Variants in CIAO2A observed in about 807,000 individuals in gnomAD.
The protein encoded by CIAO2A is cytosolic iron-sulfur assembly component 2A, also known as MIP18 family protein FAM96A.
In CIAO2A, 17 loss-of-function variants were observed where a neutral mutation model predicts 22.4. That is an observed-to-expected ratio of 0.76 (90% CI 0.52 to 1.14). The LOEUF is 1.14. Ranked by LOEUF, CIAO2A falls within the 50% of genes most tolerant of loss-of-function variation. The pLI is 0.00. For synonymous variants in CIAO2A, 74 were observed against 72.3 expected, an observed-to-expected ratio of 1.02 and a Z score of -0.12; for missense variants, 192 against 191.4, an observed-to-expected ratio of 1.00 and a Z score of -0.02.
chr15:64,088,681 A>G lies in CIAO2A; in HGVS notation c.289+6T>C. 1 of 1,602,512 alleles carries G rather than the reference A, an allele frequency of 6.2e-7. No individual in the cohort carries two copies. The highest frequency in any genetic ancestry group is 8.5e-7 in the Non-Finnish European group (1 of 1,176,102). ...TAAATATACATGTATGTACAGAAAAACTTACCAATAAGAGTCGCCAAAGAG... is the reference window on the plus strand; with the variant it reads ...TAAATATACATGTATGTACAGAAAAGCTTACCAATAAGAGTCGCCAAAGAG... On this transcript the variant is annotated splice_donor_region_variant and intron_variant, in intron 2 of 4. Transcript: ENST00000300030.
intron 3 of CIAO2A, among the ~76,000 whole-genome samples, chr15:64,079,941 T>C (rs1420666005): frequency 2.0e-5 from 3 of 152,228 alleles, no homozygotes; most frequent in African/African-American, 4.8e-5. Flanking sequence ...TTAGACTATA[T>C]AAAGAACTCT....
At chr15:64,087,576 C>G (rs2080807683) in intron 2 of CIAO2A, among the ~76,000 whole-genome samples, 1 of 152,188 alleles carries the variant, frequency 6.6e-6, no homozygotes, top group Admixed American at 6.5e-5. Flanking sequence ...ATTCACAGAC[C>G]TCCAGTCCCT....
intron 2 of CIAO2A, among the ~76,000 whole-genome samples, chr15:64,082,287 G>A (rs1311463063): frequency 2.6e-5 from 4 of 152,108 alleles, no homozygotes; most frequent in African/African-American, 7.2e-5. Context: ...GGAGTACAGT[G>A]GCGAGATCTC....
intron 2 of CIAO2A, among the ~76,000 whole-genome samples, chr15:64,086,965 G>C (rs1349136695): frequency 6.7e-6 from 1 of 149,398 alleles, no homozygotes; most frequent in African/African-American, 2.5e-5. Context: ...AGGTTGGTGT[G>C]CAATGGCATG....
At position 64,072,966 on chromosome 15, in the gene CIAO2A, C is replaced by T. The variant is rs2080684374; in HGVS notation, c.448G>A (p.Glu150Lys). Reference protein sequence around the residue: ...AAAMENPNLREIVEQCVLEPD With the variant: ...AAAMENPNLRKIVEQCVLEPD The stretch of plus-strand genomic sequence containing the variant: ...TCAAGGACACACTGTTCCACAATTT[C>T]CCGTAAGTTGGGGTTTTCCATTGCA... Residue 150 changes from glutamate to lysine, a missense_variant, in exon 5 of 5, where the codon GAA becomes AAA. Transcript: ENST00000300030. The T allele has an allele frequency of 6.2e-7, 1 of 1,613,900 alleles. No individual in the cohort carries two copies. Among genetic ancestry groups the T allele is most frequent in the Non-Finnish European group, 8.5e-7 (1 of 1,179,864 alleles).
At chr15:64,081,338 T>C (rs1385414875) in intron 2 of CIAO2A, among the ~76,000 whole-genome samples, 187 bp from the exon 3 acceptor site, 1 of 152,132 alleles carries the variant, frequency 6.6e-6, no homozygotes, top group Non-Finnish European at 1.5e-5. Flanking sequence ...ATCTTACATA[T>C]TCCTTAGGAT....
At chr15:64,073,278 C>T (rs1210295621) in intron 4 of CIAO2A, among the ~76,000 whole-genome samples, 1 of 152,112 alleles carries the variant, frequency 6.6e-6, no homozygotes, top group Non-Finnish European at 1.5e-5. Context: ...TATTTTTATA[C>T]AGTTACATTC....
chr15:64,081,082 C>T lies in CIAO2A; in HGVS notation c.339+20G>A, dbSNP rs756121607. ...AGCTGTTTTACAACAACAACAACAA[C>T]AAAAATACATCTTTCTTACCTTATG... is the stretch of plus-strand genomic sequence containing the variant. On this transcript the variant is annotated intron_variant, in intron 3 of 4. Transcript: ENST00000300030. 1.2e-5 allele frequency: 19 copies of T among 1,609,318 alleles called. No homozygotes were observed. The highest frequency in any genetic ancestry group is 2.7e-5 in the African/African-American group (2 of 74,740).
chr15:64,078,207 G>C lies in CIAO2A; in HGVS notation c.340-2670C>G, dbSNP rs192788260. ...TTAAAAATGAAAAATAAAATTTACAGGGCATCATAAACCACTAGTATAATA... is the reference window on the plus strand; with the variant it reads ...TTAAAAATGAAAAATAAAATTTACACGGCATCATAAACCACTAGTATAATA... On this transcript the variant is annotated intron_variant, in intron 3 of 4. Transcript: ENST00000300030. Among the ~76,000 whole-genome samples the C allele has an allele frequency of 3.5e-3, 535 of 152,186 alleles. 3 individuals carry two copies. The highest frequency in any genetic ancestry group is 5.6e-3 in the Non-Finnish European group (383 of 68,006).
At chr15:64,081,405 G>A (rs996401602) in intron 2 of CIAO2A, among the ~76,000 whole-genome samples, 16 of 152,014 alleles carry the variant, frequency 1.1e-4, no homozygotes, top group African/African-American at 3.6e-4. Context: ...AAGTCACAAC[G>A]TAACTTCCTC....
intron 2 of CIAO2A, among the ~76,000 whole-genome samples, chr15:64,082,647 T>C (rs1317191850): frequency 7.9e-5 from 12 of 152,044 alleles, no homozygotes; most frequent in Admixed American, 7.9e-4. Context: ...TCTGGGAGAG[T>C]TCCTCTTCCC....
intron 2 of CIAO2A, among the ~76,000 whole-genome samples, chr15:64,086,660 C>T (rs751172697): frequency 3.4e-5 from 5 of 149,244 alleles, no homozygotes; most frequent in Non-Finnish European, 3.0e-5. Flanking sequence ...GTTGCTTAGG[C>T]TGGAGTGCAG....
At position 64,088,667 on chromosome 15, in the gene CIAO2A, G is replaced by T. The variant is rs764870264; in HGVS notation, c.289+20C>A. The T allele has an allele frequency of 7.0e-6, 11 of 1,580,098 alleles. No individual in the cohort carries two copies. Among genetic ancestry groups the T allele is most frequent in the Middle Eastern group, 3.3e-4 (2 of 6,018 alleles). On this transcript the variant is annotated intron_variant, in intron 2 of 4. Coordinates refer to ENST00000300030, the MANE Select transcript of CIAO2A (RefSeq NM_032231.7). Reference sequence around the variant, plus strand: ...ACTTAGAATTTATATAAATATACATGTATGTACAGAAAAACTTACCAATAA... The same window carrying T: ...ACTTAGAATTTATATAAATATACATTTATGTACAGAAAAACTTACCAATAA...
intron 3 of CIAO2A, among the ~76,000 whole-genome samples, chr15:64,079,979 T>G (rs577052994): frequency 1.3e-5 from 2 of 152,202 alleles, no homozygotes; most frequent in Non-Finnish European, 2.9e-5. Context: ...AAGACATCCT[T>G]ATTTTAAAAT....
At position 64,072,914 on chromosome 15, in the gene CIAO2A, G is replaced by A; in HGVS notation, c.*17C>T. 2 of 1,534,420 alleles carry A rather than the reference G, an allele frequency of 1.3e-6. No individual in the cohort carries two copies. Among genetic ancestry groups the A allele is most frequent in the Non-Finnish European group, 9.0e-7 (1 of 1,109,840 alleles). On this transcript the variant is annotated 3_prime_UTR_variant, in exon 5 of 5. Transcript: ENST00000300030. ...ATATATCAAACAATTACAGGCCAGTGGCTCTTAAAACAGCTATCAGTCAGG... is the reference window on the plus strand; with the variant it reads ...ATATATCAAACAATTACAGGCCAGTAGCTCTTAAAACAGCTATCAGTCAGG...
In CIAO2A at chr15:64,072,636, T is replaced by C. The variant is rs1314964004; in HGVS notation, c.*295A>G. On this transcript the variant is annotated 3_prime_UTR_variant, in exon 5 of 5. Coordinates refer to ENST00000300030, the MANE Select transcript of CIAO2A (RefSeq NM_032231.7). ...AGTACATTTGGGCACAGTAGATATTTGACACGAAAAATAGTTGTATCAGAA... is the reference window on the plus strand; with the variant it reads ...AGTACATTTGGGCACAGTAGATATTCGACACGAAAAATAGTTGTATCAGAA... 4.2e-6 allele frequency: 1 copy of C among 237,254 alleles called. No individual in the cohort carries two copies. The highest frequency in any genetic ancestry group is 8.1e-6 in the Non-Finnish European group (1 of 123,268). 14.7% of individuals were successfully genotyped at this position (237,254 alleles called of 1,614,324 possible).
At chr15:64,080,901 A>G (rs1394241164) in intron 3 of CIAO2A, among the ~76,000 whole-genome samples, 1 of 152,152 alleles carries the variant, frequency 6.6e-6, no homozygotes, top group Non-Finnish European at 1.5e-5. Flanking sequence ...CTACACAAAA[A>G]CTTATACATG....
chr15:64,080,308 A>T (rs902405220), intron 3 of CIAO2A, among the ~76,000 whole-genome samples: 5 of 152,194 alleles, frequency 3.3e-5, no homozygotes, highest in African/African-American at 9.7e-5. Flanking sequence ...GAATCGCTTG[A>T]ACCCTGGAGG....
intron 2 of CIAO2A, among the ~76,000 whole-genome samples, chr15:64,086,273 A>G (rs11853412): frequency 1 from 151,345 of 151,544 alleles, 75,574 homozygotes; most frequent in Middle Eastern, 1. Context: ...TTAGCCAGGC[A>G]TGGTGGCGGG....
Sources: allele counts gnomAD v4.1 joint callset (sites outside exome capture counted in the v4.1 genomes callset), GRCh38; gene constraint gnomAD v4.1.1; transcripts MANE v1.5; gene names NCBI Gene and HGNC (gene_info 2026-07-23, HGNC 2026-07-21).